ABLIM1: variants seen among roughly 807,000 people sequenced by gnomAD.
ABLIM1 encodes actin binding LIM protein 1.
ABLIM1 carries 40 observed loss-of-function variants against 107.0 expected under a neutral mutation model. The ratio of observed to expected loss-of-function variants is 0.37; its 90% confidence interval spans 0.29 to 0.49. The LOEUF is 0.49. Ranked by LOEUF, ABLIM1 falls within the 20% of genes least tolerant of loss-of-function variation. ABLIM1 has a pLI of 0.97. For missense variants in ABLIM1, 857 were observed against 1,008.5 expected (o/e 0.85, Z 2.04); for synonymous variants, 357 against 357.3 (o/e 1.00, Z 0.01).
intron 6 of ABLIM1, among the ~76,000 whole-genome samples, chr10:114,507,730 G>A (rs555727027): frequency 2.0e-5 from 3 of 152,294 alleles, no homozygotes; most frequent in African/African-American, 7.2e-5. Context: ...AGACTCAAGG[G>A]AGACAGCCCA....
intron 5 of ABLIM1, among the ~76,000 whole-genome samples, chr10:114,546,845 A>G (rs1207483997): frequency 6.6e-6 from 1 of 152,140 alleles, no homozygotes; most frequent in Non-Finnish European, 1.5e-5. Context: ...CAGTGGTGCG[A>G]TAATAGTTCA....
intron 7 of ABLIM1, among the ~76,000 whole-genome samples, chr10:114,489,528 A>G (rs1393964550): frequency 6.6e-6 from 1 of 152,152 alleles, no homozygotes; most frequent in Middle Eastern, 3.2e-3. Flanking sequence ...ACAAACAAAA[A>G]ATTCAAACAA....
intron 1 of ABLIM1, chr10:114,767,991 C>T (rs1365476686): frequency 4.9e-6 from 2 of 405,856 alleles, no homozygotes; most frequent in Non-Finnish European, 4.9e-6. Flanking sequence ...GCTGTCGCAG[C>T]CCCCCCGCCC....
upstream of ABLIM1, among the ~76,000 whole-genome samples, chr10:114,689,565 T>C (rs564439128): frequency 4.6e-5 from 7 of 152,140 alleles, no homozygotes; most frequent in South Asian, 1.5e-3. Context: ...TTTCGCCATG[T>C]TAGCCAGGCT....
intron 6 of ABLIM1, among the ~76,000 whole-genome samples, chr10:114,534,410 C>G (rs903428968): frequency 1.4e-4 from 21 of 147,026 alleles, no homozygotes; most frequent in African/African-American, 3.7e-4. Flanking sequence ...TGTCTCTCTG[C>G]TATTGAATCC....
rs890727674 is a variant in ABLIM1 at position 114,684,521 on chromosome 10, C to T, written c.-168G>A. 2.2e-5 allele frequency: 31 copies of T among 1,409,786 alleles called. No homozygotes were observed. In the Admixed American group the frequency reaches 2.6e-4, roughly 12 times the overall value. 87.3% of individuals were successfully genotyped at this position (1,409,786 alleles called of 1,614,324 possible). On this transcript the variant is annotated 5_prime_UTR_variant, in exon 1 of 24. Coordinates refer to the ABLIM1 transcript ENST00000369256. ...CCACCGGTGGGTGTGCCACAGCCAG[C>T]GCAGGAAGAATGAGGAGTTTCCTGA...
intron 1 of ABLIM1, among the ~76,000 whole-genome samples, chr10:114,624,008 C>T (rs757110308): frequency 3.9e-5 from 6 of 152,138 alleles, no homozygotes; most frequent in Non-Finnish European, 7.3e-5. Flanking sequence ...TTCGCTCTCC[C>T]CACTGTTAAC....
At position 114,515,550 on chromosome 10, in the gene ABLIM1, C is replaced by T. The variant is rs558365602; in HGVS notation, c.895-23672G>A. 3.8e-3 allele frequency among the ~76,000 whole-genome samples: 584 copies of T among 152,336 alleles called. 3 individuals carry two copies. The highest frequency in any genetic ancestry group is 6.8e-3 in the Middle Eastern group (2 of 294). On this transcript the variant is annotated intron_variant, in intron 6 of 22. Transcript: ENST00000533213. The stretch of plus-strand genomic sequence containing the variant: ...ACATCTAAGGCCCTGTCCCCTCCAG[C>T]GGCTTGGCTATGTGAGCCTCTTTTC...
chr10:114,517,789 C>T (rs1046146360), intron 6 of ABLIM1, among the ~76,000 whole-genome samples: 3 of 152,080 alleles, frequency 2.0e-5, no homozygotes, highest in Admixed American at 6.5e-5. Flanking sequence ...TTTATTAGCT[C>T]GTCACCTGTA....
chr10:114,570,841 A>T (rs2483565), intron 4 of ABLIM1, among the ~76,000 whole-genome samples: 1,991 of 152,122 alleles, frequency 0.013, 36 homozygotes, highest in African/African-American at 0.046. Context: ...ATGAGGCTCA[A>T]GCAATCCTCC....
At chr10:114,712,353 GAAAAAAAAAAAA>G (rs10583793) in intron 1 of ABLIM1, among the ~76,000 whole-genome samples, 3 of 44,086 alleles carry the variant, frequency 6.8e-5, no homozygotes, top group Non-Finnish European at 1.2e-4. Flanking sequence ...ACTCCGTCTC[GAAAAAAAAAAAA>G]AAAAAAAAAA....
chr10:114,630,434 C>T (rs1438210349), intron 1 of ABLIM1, among the ~76,000 whole-genome samples: 2 of 152,166 alleles, frequency 1.3e-5, no homozygotes, highest in African/African-American at 2.4e-5. Flanking sequence ...TTTATTCACA[C>T]CGAATCATTT....
chr10:114,787,555 C>T, the ABLIM1 span, among the ~76,000 whole-genome samples: 9 of 148,510 alleles, frequency 6.1e-5, no homozygotes, highest in African/African-American at 2.2e-4. Context: ...CCCGCCCGGC[C>T]AGCCACCCCG....
At chr10:114,737,492 T>C (rs572722548) in intron 1 of ABLIM1, among the ~76,000 whole-genome samples, 189 of 152,262 alleles carry the variant, frequency 1.2e-3, no homozygotes, top group African/African-American at 4.2e-3. Context: ...CCTCCCAACC[T>C]GCACCTTGCT....
the ABLIM1 span, among the ~76,000 whole-genome samples, chr10:114,784,349 A>AAAAGAAAGAAAG: frequency 2.3e-4 from 31 of 131,944 alleles, 1 homozygote; most frequent in African/African-American, 7.3e-4. Context: ...CTGTCTCAAA[A>AAAAGAAAGAAAG]AAAGAAAGAA....
chr10:114,642,173 G>A (rs747674938), intron 1 of ABLIM1, among the ~76,000 whole-genome samples: 3 of 152,066 alleles, frequency 2.0e-5, no homozygotes, highest in African/African-American at 2.4e-5. Context: ...GATTACAGAT[G>A]TGAGCCCACT....
At chr10:114,452,377 G>A (rs1448564364) in intron 13 of ABLIM1, among the ~76,000 whole-genome samples, 1 of 151,886 alleles carries the variant, frequency 6.6e-6, no homozygotes, top group East Asian at 1.9e-4. Flanking sequence ...CCAGAACCGT[G>A]GGCACTGTAT....
chr10:114,754,184 G>A (rs2082580599), intron 1 of ABLIM1, among the ~76,000 whole-genome samples: 1 of 152,166 alleles, frequency 6.6e-6, no homozygotes, highest in South Asian at 2.1e-4. Flanking sequence ...AAACCTATAA[G>A]GAAATGAACT....
At chr10:114,517,353 G>C (rs1037366279) in intron 6 of ABLIM1, among the ~76,000 whole-genome samples, 1 of 152,104 alleles carries the variant, frequency 6.6e-6, no homozygotes, top group African/African-American at 2.4e-5. Context: ...GCAGAGACTG[G>C]AGCGATGCAG....
Sources: gnomAD v4.1 joint callset for allele counts (sites outside exome capture counted in the v4.1 genomes callset) on GRCh38, gnomAD v4.1.1 for gene constraint, MANE v1.5 for transcripts, NCBI Gene and HGNC (gene_info 2026-07-23, HGNC 2026-07-21) for gene names.